MEIS2: variants seen among roughly 807,000 people sequenced by gnomAD.
MEIS2 encodes homeobox protein Meis2.
In MEIS2, 9 loss-of-function variants were observed where a neutral mutation model predicts 58.6. The ratio of observed to expected loss-of-function variants is 0.15; its 90% confidence interval spans 0.09 to 0.27. The LOEUF is 0.27. Ranked by LOEUF, MEIS2 falls within the 10% of genes least tolerant of loss-of-function variation. The pLI is 1.00. For missense variants in MEIS2, 427 were observed against 635.0 expected, an observed-to-expected ratio of 0.67 and a Z score of 3.52; for synonymous variants, 221 against 228.4, an observed-to-expected ratio of 0.97 and a Z score of 0.29.
chr15:36,997,126 A>G (rs532895971), intron 8 of MEIS2, among the ~76,000 whole-genome samples: 72 of 152,334 alleles, frequency 4.7e-4, no homozygotes, highest in Non-Finnish European at 7.3e-4. Flanking sequence ...TGCCTTGAGC[A>G]TGTTGCTCTC....
rs530319444 is a variant in MEIS2, at chr15:37,011,165, TATATC to T, written c.900+25644_900+25648del. On this transcript the variant is annotated intron_variant, in intron 8 of 11. Coordinates refer to ENST00000561208, the MANE Select transcript of MEIS2 (RefSeq NM_170675.5). Reference sequence around the variant, plus strand: ...TAAGTATATTTTGGGTTAGGGATATTATATCACACAGAGTAAAAGCTCACTTACTA... The same window carrying T: ...TAAGTATATTTTGGGTTAGGGATATTACACAGAGTAAAAGCTCACTTACTA... 1.9e-3 allele frequency among the ~76,000 whole-genome samples: 287 copies of T among 152,358 alleles called. 2 individuals are homozygous for T. Among genetic ancestry groups the T allele is most frequent in the African/African-American group, 6.8e-3 (282 of 41,578 alleles).
chr15:36,895,218 A>G lies in MEIS2; in HGVS notation c.1080T>C (p.Ser360=). Residue 360 remains serine, a synonymous_variant, in exon 11 of 12, where the codon AGT becomes AGC. Transcript: ENST00000561208. The stretch of plus-strand genomic sequence containing the variant: ...AGCTCCCCATGGGCTGACCCTCTGG[A>G]CTATATGCTGCTCCTTGGCTCACTG... ...DPSVSQGAAY[S]PEGQPMGSFV... The G allele has an allele frequency of 6.2e-7, 1 of 1,614,148 alleles. No individual in the cohort carries two copies. Among genetic ancestry groups the G allele is most frequent in the Non-Finnish European group, 8.5e-7 (1 of 1,180,034 alleles).
At chr15:36,913,819 C>T (rs1179610795) in intron 9 of MEIS2, among the ~76,000 whole-genome samples, 2 of 152,066 alleles carry the variant, frequency 1.3e-5, no homozygotes, top group Non-Finnish European at 2.9e-5. Context: ...AGAACTCAGA[C>T]CATGATACAC....
At chr15:37,083,213 G>C (rs1377024293) in intron 7 of MEIS2, among the ~76,000 whole-genome samples, 1 of 152,108 alleles carries the variant, frequency 6.6e-6, no homozygotes, top group Non-Finnish European at 1.5e-5. Flanking sequence ...TTTAGGACTT[G>C]TGACAAAAGT....
intron 8 of MEIS2, among the ~76,000 whole-genome samples, chr15:36,981,217 A>G (rs1241721351): frequency 6.6e-6 from 1 of 152,082 alleles, no homozygotes; most frequent in East Asian, 1.9e-4. Context: ...TCTTTTTATT[A>G]CATTCTTTTA....
At chr15:36,975,469 G>GGT (rs1555439782) in intron 8 of MEIS2, among the ~76,000 whole-genome samples, 3 of 135,640 alleles carry the variant, frequency 2.2e-5, no homozygotes, top group African/African-American at 8.4e-5. Context: ...AAAAATAAGG[G>GGT]TTTTTTTTTT....
intron 8 of MEIS2, among the ~76,000 whole-genome samples, chr15:36,985,783 C>T (rs760483918): frequency 6.6e-6 from 1 of 152,148 alleles, no homozygotes; most frequent in Non-Finnish European, 1.5e-5. Flanking sequence ...AAAGCAGTTC[C>T]CAAGAGCCAG....
At chr15:37,001,688 T>A (rs1361701823) in intron 8 of MEIS2, among the ~76,000 whole-genome samples, 1 of 152,208 alleles carries the variant, frequency 6.6e-6, no homozygotes, top group African/African-American at 2.4e-5. Flanking sequence ...GTCATTCCCC[T>A]AAGGCCTTCA....
chr15:37,006,056 T>G (rs1391205787), intron 8 of MEIS2, among the ~76,000 whole-genome samples: 3 of 152,266 alleles, frequency 2.0e-5, no homozygotes, highest in Non-Finnish European at 4.4e-5. Flanking sequence ...ATACAATTAC[T>G]TATAATCTTC....
intron 8 of MEIS2, among the ~76,000 whole-genome samples, chr15:37,031,906 CT>C (rs2061944766): frequency 6.7e-6 from 1 of 150,248 alleles, no homozygotes; most frequent in African/African-American, 2.4e-5. Flanking sequence ...TGGTTCCATC[CT>C]AGCTCACTGC....
chr15:37,071,844 A>T (rs1239397928), intron 7 of MEIS2, among the ~76,000 whole-genome samples: 3 of 152,066 alleles, frequency 2.0e-5, no homozygotes, highest in African/African-American at 7.2e-5. Flanking sequence ...ATCATTATTC[A>T]CCCAACATGC....
At position 36,891,433 on chromosome 15, in the gene MEIS2, C is replaced by A. The variant is rs376202599; in HGVS notation, c.*740G>T. On this transcript the variant is annotated 3_prime_UTR_variant, in exon 12 of 12. Coordinates refer to ENST00000561208, the MANE Select transcript of MEIS2 (RefSeq NM_170675.5). ...CTTTTTTTTGTGTTGAGGAAAGCTG[C>A]CCAACTTAAGATTGTTTTGTCCACA... The A allele has an allele frequency of 2.0e-5, 3 of 152,482 alleles. No individual in the cohort carries two copies. Among genetic ancestry groups the A allele is most frequent in the African/African-American group, 7.2e-5 (3 of 41,400 alleles). The allele number at this position is 152,482 out of a possible 1,614,324, so 9.4% of individuals were successfully genotyped here.
chr15:36,951,027 T>C (rs16954360), intron 8 of MEIS2, among the ~76,000 whole-genome samples: 5,788 of 152,212 alleles, frequency 0.038, 254 homozygotes, highest in East Asian at 0.17. Context: ...TCACACCCAA[T>C]GATCACACAG....
intron 9 of MEIS2, among the ~76,000 whole-genome samples, chr15:36,919,098 G>T (rs549120852): frequency 1.3e-5 from 2 of 151,966 alleles, no homozygotes; most frequent in East Asian, 3.9e-4. Flanking sequence ...GAAAAATCAC[G>T]TGATCCTAGG....
intron 7 of MEIS2, among the ~76,000 whole-genome samples, chr15:37,045,484 AAAGAAG>A (rs148506859): frequency 7.5e-5 from 11 of 147,212 alleles, no homozygotes; most frequent in East Asian, 3.9e-4. Context: ...AGATTAAAAA[AAAGAAG>A]AAGAAGAAGA....
intron 6 of MEIS2, among the ~76,000 whole-genome samples, chr15:37,092,147 A>G (rs1893600688): frequency 6.6e-6 from 1 of 152,214 alleles, no homozygotes; most frequent in Non-Finnish European, 1.5e-5. Flanking sequence ...AAGGGTAAAG[A>G]GATAAGAATA....
intron 8 of MEIS2, among the ~76,000 whole-genome samples, chr15:36,980,188 A>T (rs1567137873): frequency 6.6e-6 from 1 of 151,962 alleles, no homozygotes; most frequent in Non-Finnish European, 1.5e-5. Context: ...AATTCCCCTC[A>T]GTTTGTCATT....
At position 37,099,644 on chromosome 15, in the gene MEIS2, A is replaced by T. The variant is rs1426125018; in HGVS notation, c.-178T>A. The T allele has an allele frequency of 7.0e-5, 55 of 780,414 alleles. No individual in the cohort carries two copies. The highest frequency in any genetic ancestry group is 1.0e-4 in the Admixed American group (3 of 28,674). The allele number at this position is 780,414 out of a possible 1,614,324, so 48.3% of individuals were successfully genotyped here. A position where few individuals can be genotyped will look rare whatever the true frequency, so the allele number is the denominator to read the frequency against. ...AAAAGCCCAGTCTAGACAACGAAGA[A>T]TTTTTTTTTCTGTGATATTTCTTCT... On this transcript the variant is annotated 5_prime_UTR_variant, in exon 1 of 12. Coordinates refer to ENST00000561208, the MANE Select transcript of MEIS2 (RefSeq NM_170675.5).
chr15:36,892,426 T>A lies in MEIS2; in HGVS notation c.1181A>T (p.Gln394Leu). Residue 394 changes from glutamine (Q) to leucine (L), a missense_variant, in exon 12 of 12, where the codon CAG (glutamine) becomes CTG (leucine). Physicochemically the swap from Gln to Leu is moderately radical, Grantham distance 113. This residue lies in a region of MEIS2 where 154 missense variants were observed against 148.1 expected (regional missense o/e 1.04). Transcript: ENST00000561208. ...LQSMPGDYVS[Q>L]GGPMGMSMAQ... ...CATACTCATTCCCATAGGACCACCCTGAGAAACGTAGTCCCCTGGCATGCT... is the reference window on the plus strand; with the variant it reads ...CATACTCATTCCCATAGGACCACCCAGAGAAACGTAGTCCCCTGGCATGCT... 6.2e-7 allele frequency: 1 copy of A among 1,613,200 alleles called. No individual in the cohort carries two copies. Among genetic ancestry groups the A allele is most frequent in the Non-Finnish European group, 8.5e-7 (1 of 1,179,908 alleles).
Sources: gnomAD v4.1 joint callset for allele counts (sites outside exome capture counted in the v4.1 genomes callset) on GRCh38, gnomAD v4.1.1 for gene constraint, gnomAD v4.1.1 regional missense constraint, MANE v1.5 for transcripts, NCBI Gene and HGNC (gene_info 2026-07-23, HGNC 2026-07-21) for gene names.